The following GTF2F2 variants were observed in gnomAD, a reference collection of about 807,000 sequenced individuals.
The protein encoded by GTF2F2 is ATP-dependent helicase GTF2F2.
Under a neutral mutation model 42.2 loss-of-function variants are expected in GTF2F2, and 23 were observed. The observed-to-expected ratio is 0.55, with a 90% CI of 0.39 to 0.77. The LOEUF (loss-of-function observed/expected upper bound fraction) is 0.77. Among genes scored for constraint, GTF2F2 ranks in the 30% least tolerant of loss-of-function variants. GTF2F2 has a pLI of 0.00. For missense variants in GTF2F2, 261 were observed against 287.2 expected, an observed-to-expected ratio of 0.91 and a Z score of 0.66; for synonymous variants, 105 against 100.8, an observed-to-expected ratio of 1.04 and a Z score of -0.25.
chr13:45,267,275 C>T lies in GTF2F2; in HGVS notation c.529C>T (p.Arg177Ter), dbSNP rs1343594527. Residue 177 changes from arginine (R) to a stop codon, truncating the protein, a stop_gained, in exon 7 of 8, where the codon CGA becomes TGA. Transcript: ENST00000340473. LOFTEE classifies it high-confidence loss of function. The stretch of plus-strand genomic sequence containing the variant: ...AAAGAAAGAAGACGGAAAGCGAGCT[C>T]GAGCTGATAAACAACATGTTTTAGA... ...RKKKEDGKRA[R>*]ADKQHVLDML... 1.2e-6 allele frequency: 2 copies of T among 1,612,306 alleles called. No homozygotes were observed. Among genetic ancestry groups the T allele is most frequent in the East Asian group, 2.2e-5 (1 of 44,858 alleles).
chr13:45,239,365 A>G (rs1367267027), intron 5 of GTF2F2, among the ~76,000 whole-genome samples: 1 of 152,232 alleles, frequency 6.6e-6, no homozygotes, highest in Admixed American at 6.5e-5. Context: ...TGTCTAGCTA[A>G]CAGAGGTAAT....
chr13:45,171,699 C>T (rs911291744), intron 4 of GTF2F2, among the ~76,000 whole-genome samples: 1 of 152,124 alleles, frequency 6.6e-6, no homozygotes, highest in Non-Finnish European at 1.5e-5. Flanking sequence ...CATCCATCAC[C>T]ACAGGTTTAG....
intron 4 of GTF2F2, among the ~76,000 whole-genome samples, chr13:45,164,902 A>G (rs546257018): frequency 3.3e-5 from 5 of 152,250 alleles, no homozygotes; most frequent in Non-Finnish European, 7.3e-5. Context: ...GTTGGTTCTG[A>G]TACAAAGTGC....
At chr13:45,161,498 TCATGCGTAACACTGAATTG>T (rs1362732847) in intron 4 of GTF2F2, among the ~76,000 whole-genome samples, 14 of 152,280 alleles carry the variant, frequency 9.2e-5, no homozygotes, top group African/African-American at 3.1e-4. Context: ...TAGGGGAACC[TCATGCGTAACACTGAATTG>T]CATGCCTGTT....
chr13:45,251,260 C>G (rs1401722097), intron 5 of GTF2F2, among the ~76,000 whole-genome samples: 1 of 152,078 alleles, frequency 6.6e-6, no homozygotes, highest in Non-Finnish European at 1.5e-5. Context: ...GAATGTTATA[C>G]AGACACCTTT....
At chr13:45,212,467 C>CTT (rs371132076) in intron 5 of GTF2F2, among the ~76,000 whole-genome samples, 6 of 55,138 alleles carry the variant, frequency 1.1e-4, no homozygotes, top group African/African-American at 5.3e-4. Context: ...TTCTTTCTTT[C>CTT]TTTCTTTCTT....
chr13:45,169,262 C>T (rs1871475284), intron 4 of GTF2F2, among the ~76,000 whole-genome samples: 1 of 152,108 alleles, frequency 6.6e-6, no homozygotes, highest in African/African-American at 2.4e-5. Flanking sequence ...GAGGCAGTGG[C>T]AATTGACTGG....
At chr13:45,201,904 A>G (rs1873204214) in intron 4 of GTF2F2, among the ~76,000 whole-genome samples, 1 of 152,168 alleles carries the variant, frequency 6.6e-6, no homozygotes, top group Admixed American at 6.5e-5. Context: ...GAGTGCTGGC[A>G]AGACCATGTC....
chr13:45,142,429 A>G (rs747818900), intron 2 of GTF2F2, among the ~76,000 whole-genome samples: 29 of 152,168 alleles, frequency 1.9e-4, no homozygotes, highest in Non-Finnish European at 4.0e-4. Context: ...TGGCCTCCCA[A>G]AGTGCTAGGA....
chr13:45,260,257 A>G (rs190165043), intron 6 of GTF2F2, among the ~76,000 whole-genome samples: 1 of 152,322 alleles, frequency 6.6e-6, no homozygotes, highest in East Asian at 1.9e-4. Flanking sequence ...TTTCCTAAAT[A>G]AAAAGGATGT....
intron 1 of GTF2F2, among the ~76,000 whole-genome samples, chr13:45,126,129 T>G (rs1283930795): frequency 6.6e-6 from 1 of 152,114 alleles, no homozygotes; most frequent in East Asian, 1.9e-4. Context: ...GATGTCCACT[T>G]CAGTGCTTTT....
chr13:45,237,491 T>C (rs1875050446), intron 5 of GTF2F2, among the ~76,000 whole-genome samples: 1 of 152,222 alleles, frequency 6.6e-6, no homozygotes, highest in South Asian at 2.1e-4. Context: ...AGATGTACAA[T>C]AATAGCTAAA....
rs1397302555 is a variant in GTF2F2, at chr13:45,283,689, A to G, written c.*128A>G. ...TGACAGTACTTTGATTTCTCTCGGT[A>G]AATTTTTTAAACCTGTAATTCTTGT... On this transcript the variant is annotated 3_prime_UTR_variant, in exon 8 of 8. Coordinates refer to ENST00000340473, the MANE Select transcript of GTF2F2 (RefSeq NM_004128.3). 9.2e-6 allele frequency: 6 copies of G among 650,176 alleles called. No homozygotes were observed. Among genetic ancestry groups the G allele is most frequent in the Non-Finnish European group, 1.4e-5 (6 of 440,130 alleles). The allele number at this position is 650,176 out of a possible 1,614,324, so 40.3% of individuals were successfully genotyped here. A position where few individuals can be genotyped will look rare whatever the true frequency, so the allele number is the denominator to read the frequency against.
chr13:45,186,235 A>G (rs1872415026), intron 4 of GTF2F2, among the ~76,000 whole-genome samples: 1 of 151,400 alleles, frequency 6.6e-6, no homozygotes, highest in South Asian at 2.1e-4. Context: ...TTGGCCTCCC[A>G]AAGTGCTGAG....
At chr13:45,143,050 A>G (rs1485063313) in intron 2 of GTF2F2, among the ~76,000 whole-genome samples, 1 of 152,182 alleles carries the variant, frequency 6.6e-6, no homozygotes, top group Non-Finnish European at 1.5e-5. Context: ...AGAGACATGG[A>G]TGAATAAGAT....
chr13:45,173,397 ATTG>A (rs1424373339), intron 4 of GTF2F2, among the ~76,000 whole-genome samples: 2 of 138,294 alleles, frequency 1.4e-5, no homozygotes, highest in Non-Finnish European at 3.2e-5. Context: ...GTGTGTGTGT[ATTG>A]TTTAGTTTCA....
At chr13:45,140,130 T>C (rs1013146804) in intron 2 of GTF2F2, among the ~76,000 whole-genome samples, 2 of 151,818 alleles carry the variant, frequency 1.3e-5, no homozygotes, top group African/African-American at 2.4e-5. Flanking sequence ...TTTTTTTTTT[T>C]CTCGTAGAGG....
intron 2 of GTF2F2, among the ~76,000 whole-genome samples, chr13:45,145,950 T>C (rs549653340): frequency 6.6e-6 from 1 of 152,254 alleles, no homozygotes; most frequent in Admixed American, 6.5e-5. Flanking sequence ...TGTCCTCCTA[T>C]ATGTGGATGC....
intron 5 of GTF2F2, among the ~76,000 whole-genome samples, chr13:45,238,449 G>C (rs376821669): frequency 2.6e-5 from 4 of 152,056 alleles, no homozygotes; most frequent in Middle Eastern, 3.2e-3. Context: ...ATAGTGTCTA[G>C]AGTGCGTGAT....
Sources: gnomAD v4.1 joint callset for allele counts (sites outside exome capture counted in the v4.1 genomes callset) on GRCh38, gnomAD v4.1.1 for gene constraint, MANE v1.5 for transcripts, NCBI Gene and HGNC (gene_info 2026-07-23, HGNC 2026-07-21) for gene names.